Variants in EGFR observed in about 807,000 individuals in gnomAD.
EGFR encodes the protein avian erythroblastic leukemia viral (v-erb-b) oncogene homolog.
EGFR carries 58 observed loss-of-function variants against 143.0 expected under a neutral mutation model. That is an observed-to-expected ratio of 0.41 (90% CI 0.33 to 0.50). The LOEUF (loss-of-function observed/expected upper bound fraction) is 0.50, where lower values mean the gene tolerates loss of function less well. Among genes scored for constraint, EGFR ranks in the 20% least tolerant of loss-of-function variants. The pLI, the probability that EGFR is intolerant of heterozygous loss-of-function variation, is 0.39. For synonymous variants in EGFR, 613 were observed against 594.4 expected, an observed-to-expected ratio of 1.03 and a Z score of -0.45; for missense variants, 1,307 against 1,579.0, an observed-to-expected ratio of 0.83 and a Z score of 2.92.
At chr7:55,035,890 A>G (rs961296857) in intron 1 of EGFR, among the ~76,000 whole-genome samples, 5 of 152,088 alleles carry the variant, frequency 3.3e-5, no homozygotes, top group Non-Finnish European at 5.9e-5. Context: ...TCCAGTAGTA[A>G]CATCTTAGTA....
chr7:55,163,858 A>G (rs1785831736), intron 14 of EGFR, 35 bp downstream of exon 14: 2 of 1,608,856 alleles, frequency 1.2e-6, no homozygotes, highest in Non-Finnish European at 1.7e-6. Context: ...CGTCCATTTC[A>G]TGGGAAGGGC....
intron 1 of EGFR, chr7:55,119,510 C>T (rs1793072297): frequency 6.6e-6 from 1 of 152,238 alleles, no homozygotes; most frequent in African/African-American, 2.4e-5. Context: ...AAGAGAGTCT[C>T]ACTGTGTATC....
At chr7:55,138,680 T>C (rs1794293808) in intron 1 of EGFR, among the ~76,000 whole-genome samples, 1 of 152,254 alleles carries the variant, frequency 6.6e-6, no homozygotes, top group Non-Finnish European at 1.5e-5. Context: ...TTAACTTTAA[T>C]AAAAGAAAGT....
intron 15 of EGFR, chr7:55,166,376 CT>C: frequency 1.8e-6 from 1 of 549,940 alleles, no homozygotes. Context: ...CTGAATCCAT[CT>C]GTATGAGTTG....
intron 20 of EGFR, chr7:55,181,703 A>T: frequency 4.9e-6 from 3 of 610,006 alleles, no homozygotes; most frequent in Non-Finnish European, 8.7e-6. Context: ...GCTACCTTTG[A>T]AGAATTTTCT....
At chr7:55,189,389 T>C (rs1037833917) in intron 20 of EGFR, among the ~76,000 whole-genome samples, 3 of 151,320 alleles carry the variant, frequency 2.0e-5, no homozygotes, top group Non-Finnish European at 4.4e-5. Flanking sequence ...ACATCGCCAG[T>C]GCTCAGCACT....
Position 55,019,262 on chromosome 7 carries a change from T to C in EGFR, c.-16T>C. The C allele has an allele frequency of 6.7e-7, 1 of 1,485,680 alleles. No homozygotes were observed. The allele number at this position is 1,485,680 out of a possible 1,614,324, so 92.0% of individuals were successfully genotyped here. On this transcript the variant is annotated 5_prime_UTR_variant, in exon 1 of 28. Transcript: ENST00000275493. ...ATTGATCGGGAGAGCCGGAGCGAGC[T>C]CTTCGGGGAGCAGCGATGCGACCCT...
chr7:55,140,678 G>A (rs929514715), intron 1 of EGFR, among the ~76,000 whole-genome samples: 5 of 152,162 alleles, frequency 3.3e-5, no homozygotes, highest in African/African-American at 1.2e-4. Context: ...GACCAGAGAC[G>A]CTGGGTCAAT....
chr7:55,064,438 C>G (rs1229586957), intron 1 of EGFR, among the ~76,000 whole-genome samples: 1 of 152,174 alleles, frequency 6.6e-6, no homozygotes, highest in Non-Finnish European at 1.5e-5. Context: ...ATCCAGACAT[C>G]CAGAAAGGAT....
At chr7:55,196,830 G>A (rs1036607752) in intron 22 of EGFR, among the ~76,000 whole-genome samples, 3 of 151,044 alleles carry the variant, frequency 2.0e-5, no homozygotes, top group African/African-American at 7.3e-5. Context: ...TTGTAGGTGT[G>A]CAGCCTTATT....
intron 20 of EGFR, among the ~76,000 whole-genome samples, chr7:55,186,664 G>A (rs1286129476): frequency 6.6e-6 from 1 of 152,208 alleles, no homozygotes; most frequent in African/African-American, 2.4e-5. Context: ...TGCTGTTGAA[G>A]CACATTCATC....
chr7:55,143,332 C>T lies in EGFR; in HGVS notation c.268C>T (p.Leu90Phe), dbSNP rs750399097. 3.1e-6 allele frequency: 5 copies of T among 1,614,214 alleles called. No homozygotes were observed. The highest frequency in any genetic ancestry group is 2.5e-6 in the Non-Finnish European group (3 of 1,180,038). The change falls in exon 3 of 28, where the codon CTC becomes TTC. Residue 90 changes from leucine to phenylalanine, a missense_variant. By Grantham distance (22) the Leu-to-Phe change is conservative. Around this residue, in one of 7 missense-constraint regions of EGFR, gnomAD observed 311 missense variants for 412.3 expected, o/e 0.75. Transcript: ENST00000275493. ...KTIQEVAGYVLIALNTVERIP... is the reference protein window; with the variant it reads ...KTIQEVAGYVFIALNTVERIP... The stretch of plus-strand genomic sequence containing the variant: ...CATCCAGGAGGTGGCTGGTTATGTC[C>T]TCATTGCCCTCAACACAGTGGAGCG...
intron 19 of EGFR, 121 bp downstream of exon 19, chr7:55,174,941 T>C (rs1343138617): frequency 1.3e-6 from 1 of 785,040 alleles, no homozygotes; most frequent in Non-Finnish European, 2.2e-6. Flanking sequence ...ATGTTCACTT[T>C]CTATGTCTTT....
At chr7:55,095,018 G>A (rs950861393) in intron 1 of EGFR, among the ~76,000 whole-genome samples, 6 of 152,228 alleles carry the variant, frequency 3.9e-5, no homozygotes, top group African/African-American at 1.4e-4. Flanking sequence ...CTTATCGCTG[G>A]TTTTTATTTC....
chr7:55,097,069 C>T (rs2128898441), intron 1 of EGFR, among the ~76,000 whole-genome samples: 1 of 152,322 alleles, frequency 6.6e-6, no homozygotes, highest in East Asian at 1.9e-4. Context: ...TGTGCTCTTT[C>T]TGAAGCCCAA....
intron 23 of EGFR, 88 bp from the exon 24 acceptor site, chr7:55,200,228 G>C (rs879675797): frequency 8.1e-7 from 1 of 1,231,506 alleles, no homozygotes; most frequent in Non-Finnish European, 1.2e-6. Context: ...TGGAAGTGTC[G>C]CATCACCAAT....
intron 7 of EGFR, among the ~76,000 whole-genome samples, chr7:55,154,606 A>C (rs529853489): frequency 3.3e-5 from 5 of 152,316 alleles, no homozygotes; most frequent in African/African-American, 1.2e-4. Context: ...ATTCTAGTGA[A>C]AGTTATGCCT....
intron 1 of EGFR, among the ~76,000 whole-genome samples, chr7:55,090,085 C>T (rs1481141617): frequency 6.6e-6 from 1 of 152,108 alleles, no homozygotes; most frequent in Non-Finnish European, 1.5e-5. Context: ...TCTCCTGCCT[C>T]AGCCTCCTCA....
Position 55,163,757 on chromosome 7 carries a change from C to T in EGFR, c.1656C>T (p.Asn552=), listed in dbSNP as rs758141603. 6.2e-7 allele frequency: 1 copy of T among 1,614,224 alleles called. No individual in the cohort carries two copies. The highest frequency in any genetic ancestry group is 8.5e-7 in the Non-Finnish European group (1 of 1,180,040). Residue 552 remains asparagine (N), a synonymous_variant, in exon 14 of 28, where the codon AAC becomes AAT. Coordinates refer to ENST00000275493, the MANE Select transcript of EGFR (RefSeq NM_005228.5). ...LEGEPREFVE[N]SECIQCHPEC... ...GTGAGCCAAGGGAGTTTGTGGAGAACTCTGAGTGCATACAGTGCCACCCAG... is the reference window on the plus strand; with the variant it reads ...GTGAGCCAAGGGAGTTTGTGGAGAATTCTGAGTGCATACAGTGCCACCCAG...
Sources: gnomAD v4.1 joint callset for allele counts (sites outside exome capture counted in the v4.1 genomes callset) on GRCh38, gnomAD v4.1.1 for gene constraint, gnomAD v4.1.1 regional missense constraint, MANE v1.5 for transcripts, NCBI Gene and HGNC (gene_info 2026-07-23, HGNC 2026-07-21) for gene names.